SNX5: variants seen among roughly 807,000 people sequenced by gnomAD.
SNX5 encodes sorting nexin-5.
A neutral mutation model predicts 53.9 loss-of-function variants in SNX5; 31 were observed. The observed-to-expected ratio is 0.58, with a 90% CI of 0.43 to 0.78. SNX5 has a LOEUF of 0.78. SNX5 is among the 30% of genes least tolerant of loss of function. The pLI, the probability that SNX5 is intolerant of heterozygous loss-of-function variation, is 0.00. For missense variants in SNX5, 471 were observed against 478.8 expected, an observed-to-expected ratio of 0.98 and a Z score of 0.15; for synonymous variants, 168 against 171.1, an observed-to-expected ratio of 0.98 and a Z score of 0.14.
rs960127663 is a variant in SNX5 at position 17,942,097 on chromosome 20, C to T, written c.*260G>A. ...TACACCCTTTCTTAGTAACTAAAGACGAACTACGGGAGAACCCAGTATTTG... is the reference window on the plus strand; with the variant it reads ...TACACCCTTTCTTAGTAACTAAAGATGAACTACGGGAGAACCCAGTATTTG... On this transcript the variant is annotated 3_prime_UTR_variant, in exon 13 of 13. Coordinates refer to ENST00000377759, the MANE Select transcript of SNX5 (RefSeq NM_014426.4). 5 of 412,242 alleles carry T rather than the reference C, an allele frequency of 1.2e-5. No homozygotes were observed. The highest frequency in any genetic ancestry group is 7.3e-4 in the Middle Eastern group (1 of 1,370). 25.5% of individuals were successfully genotyped at this position (412,242 alleles called of 1,614,324 possible).
chr20:17,961,785 T>G, intron 1 of SNX5: 1 of 985,466 alleles, frequency 1.0e-6, no homozygotes, highest in Non-Finnish European at 1.2e-6. Context: ...AACTAAGATT[T>G]TGCCAGCAAG....
intron 1 of SNX5, chr20:17,961,668 G>A (rs1365998390): frequency 2.0e-6 from 2 of 984,594 alleles, no homozygotes; most frequent in Non-Finnish European, 2.4e-6. Context: ...TCCAAAAGCA[G>A]AAGATATGTA....
chr20:17,958,069 GA>G (rs1483090545), intron 1 of SNX5, among the ~76,000 whole-genome samples: 2 of 151,468 alleles, frequency 1.3e-5, no homozygotes, highest in African/African-American at 4.9e-5. Flanking sequence ...GGCTATTAGG[GA>G]AAAGTGACTT....
rs757178008 is a variant in SNX5 at position 17,942,244 on chromosome 20, A to T, written c.*113T>A. 132 of 693,600 alleles carry T rather than the reference A, an allele frequency of 1.9e-4. No homozygotes were observed. Among genetic ancestry groups the T allele is most frequent in the Non-Finnish European group, 2.9e-4 (114 of 387,236 alleles). The allele number at this position is 693,600 out of a possible 1,614,324, so 43.0% of individuals were successfully genotyped here. ...TTTGTAGAAATCAAAATATTTATTC[A>T]CATAATTTTAAACTAAAGTTGAAGC... On this transcript the variant is annotated 3_prime_UTR_variant, in exon 13 of 13. Coordinates refer to ENST00000377759, the MANE Select transcript of SNX5 (RefSeq NM_014426.4).
chr20:17,966,850 C>T (rs1220075407), intron 1 of SNX5, among the ~76,000 whole-genome samples: 1 of 152,164 alleles, frequency 6.6e-6, no homozygotes, highest in African/African-American at 2.4e-5. Context: ...TTCAGTTAAC[C>T]ATAACACCAT....
chr20:17,958,430 T>C (rs2035398147), intron 1 of SNX5, among the ~76,000 whole-genome samples: 1 of 152,200 alleles, frequency 6.6e-6, no homozygotes, highest in South Asian at 2.1e-4. Flanking sequence ...TTACTTAAGT[T>C]TCAAGTACTC....
chr20:17,952,311 C>T (rs973299802), intron 5 of SNX5, among the ~76,000 whole-genome samples: 1 of 152,096 alleles, frequency 6.6e-6, no homozygotes. Context: ...TTAAAATGAA[C>T]TTAGTTAAGT....
intron 1 of SNX5, among the ~76,000 whole-genome samples, chr20:17,960,771 CAAA>C (rs571474077): frequency 1.1e-5 from 1 of 92,796 alleles, no homozygotes. Context: ...AGCGAGTCTC[CAAA>C]AAAAAAAAAA....
intron 1 of SNX5, among the ~76,000 whole-genome samples, chr20:17,964,887 T>TCACAAA (rs767665864): frequency 8.6e-5 from 13 of 152,016 alleles, no homozygotes; most frequent in Non-Finnish European, 1.6e-4. Context: ...AAGCCTACAC[T>TCACAAA]CACAAACACA....
intron 2 of SNX5, among the ~76,000 whole-genome samples, chr20:17,956,440 G>A (rs918601215): frequency 6.6e-6 from 1 of 152,126 alleles, no homozygotes; most frequent in Non-Finnish European, 1.5e-5. Context: ...AACAAAGCTG[G>A]GGCCCGGTGT....
chr20:17,961,151 C>T (rs967174609), intron 1 of SNX5: 7 of 985,342 alleles, frequency 7.1e-6, no homozygotes, highest in Non-Finnish European at 8.4e-6. Context: ...TATTCATCAG[C>T]TTCCCAGCTG....
chr20:17,952,852 G>C, intron 4 of SNX5, 142 bp from the exon 5 acceptor site: 1 of 977,070 alleles, frequency 1.0e-6, no homozygotes, highest in Non-Finnish European at 1.4e-6. Flanking sequence ...GTATAAACTG[G>C]TGTCTAGTTA....
At chr20:17,946,054 G>C (rs1484448205) in intron 11 of SNX5, among the ~76,000 whole-genome samples, 1 of 152,208 alleles carries the variant, frequency 6.6e-6, no homozygotes, top group Admixed American at 6.5e-5. Context: ...GAACCCCAGA[G>C]AAGATCCACA....
At chr20:17,946,242 A>C (rs2039486163) in intron 11 of SNX5, among the ~76,000 whole-genome samples, 1 of 152,254 alleles carries the variant, frequency 6.6e-6, no homozygotes, top group Non-Finnish European at 1.5e-5. Flanking sequence ...GTGCACACAC[A>C]CATACATTTC....
intron 3 of SNX5, chr20:17,954,360 G>T: frequency 4.5e-6 from 2 of 446,450 alleles, no homozygotes; most frequent in South Asian, 4.9e-5. Flanking sequence ...ATCCATTATA[G>T]ACAATTGTTC....
chr20:17,954,374 G>A, intron 3 of SNX5: 1 of 385,738 alleles, frequency 2.6e-6, no homozygotes, highest in Non-Finnish European at 4.6e-6. Context: ...ATTGTTCAGA[G>A]CACAACAGTG....
At chr20:17,947,743 A>T in intron 10 of SNX5, 98 bp from the exon 11 acceptor site, 1 of 991,756 alleles carries the variant, frequency 1.0e-6, no homozygotes, top group Non-Finnish European at 1.4e-6. Context: ...AGTGGCAATA[A>T]TCTACCTCTA....
chr20:17,943,735 C>A (rs1211436656), intron 11 of SNX5: 1 of 152,412 alleles, frequency 6.6e-6, no homozygotes, highest in African/African-American at 2.4e-5. Flanking sequence ...GAAAAGTGAA[C>A]TCTTCTACAC....
At position 17,957,011 on chromosome 20, in the gene SNX5, A is replaced by G. The variant is rs768489364; in HGVS notation, c.78T>C (p.Asn26=). The G allele has an allele frequency of 1.2e-6, 2 of 1,603,906 alleles. No homozygotes were observed. Among genetic ancestry groups the G allele is most frequent in the Admixed American group, 3.3e-5 (2 of 60,010 alleles). ...SKLRSVSVDL[N]VDPSLQIDIP... is the part of the protein sequence containing the mutation. ...TGTCAATCTGAAGCGAGGGATCAAC[A>G]TTCAGGTCCACAGATACAGATCTCA... The change falls in exon 2 of 13, where the codon AAT becomes AAC. Residue 26 remains asparagine (N), a synonymous_variant. Coordinates refer to ENST00000377759, the MANE Select transcript of SNX5 (RefSeq NM_014426.4).
Sources: gnomAD v4.1 joint callset for allele counts (sites outside exome capture counted in the v4.1 genomes callset) on GRCh38, gnomAD v4.1.1 for gene constraint, MANE v1.5 for transcripts, NCBI Gene and HGNC (gene_info 2026-07-23, HGNC 2026-07-21) for gene names.